Variants in CYLD observed in about 807,000 individuals in gnomAD.
The protein encoded by CYLD is ubiquitin carboxyl-terminal hydrolase CYLD.
A neutral mutation model predicts 104.5 loss-of-function variants in CYLD; 26 were observed. The ratio of observed to expected loss-of-function variants is 0.25; its 90% CI spans 0.18 to 0.35. CYLD has a LOEUF of 0.35. Among genes scored for constraint, CYLD ranks in the 10% least tolerant of loss-of-function variants. CYLD has a pLI of 1.00. For synonymous variants in CYLD, 385 were observed against 399.9 expected (o/e 0.96, Z 0.45); for missense variants, 703 against 1,136.1 (o/e 0.62, Z 5.48).
chr16:50,796,577 A>C lies in CYLD; in HGVS notation c.*69A>C. 1 of 1,508,528 alleles carries C rather than the reference A, an allele frequency of 6.6e-7. No individual in the cohort carries two copies. Among genetic ancestry groups the C allele is most frequent in the East Asian group, 2.3e-5 (1 of 44,422 alleles). 93.4% of individuals were successfully genotyped at this position (1,508,528 alleles called of 1,614,324 possible). On this transcript the variant is annotated 3_prime_UTR_variant, in exon 19 of 19. Coordinates refer to ENST00000427738, the MANE Select transcript of CYLD (RefSeq NM_001378743.1). ...AACGTTGCATCTTATTCGAGCTGGC[A>C]GTTCTGTTCACGTCCATTGCCGGCA... is the stretch of plus-strand genomic sequence containing the variant.
chr16:50,751,686 T>G lies in CYLD; in HGVS notation c.587T>G (p.Phe196Cys). 6.2e-7 allele frequency: 1 copy of G among 1,613,764 alleles called. No homozygotes were observed. Among genetic ancestry groups the G allele is most frequent in the South Asian group, 1.1e-5 (1 of 91,060 alleles). The stretch of plus-strand genomic sequence containing the variant: ...CAGTGTGATGAAGATTGTGGCGTGT[T>G]TGTTGCATTGGACAAGCTAGAACTC... ...LFQCDEDCGVFVALDKLELIE... is the reference protein window; with the variant it reads ...LFQCDEDCGVCVALDKLELIE... The change falls in exon 4 of 19, where the codon TTT (phenylalanine) becomes TGT (cysteine). Residue 196 changes from phenylalanine to cysteine, a missense_variant. Around this residue, in one of 5 missense-constraint regions of CYLD, gnomAD observed 123 missense variants for 213.3 expected, o/e 0.58. Coordinates refer to ENST00000427738, the MANE Select transcript of CYLD (RefSeq NM_001378743.1).
chr16:50,750,290 A>C, intron 3 of CYLD, 88 bp downstream of exon 3: 1 of 1,443,146 alleles, frequency 6.9e-7, no homozygotes, highest in East Asian at 2.3e-5. Context: ...TTTTCTCCTT[A>C]AATACGAAAT....
chr16:50,782,519 CA>C, intron 11 of CYLD, 53 bp downstream of exon 11: 3 of 1,585,612 alleles, frequency 1.9e-6, no homozygotes, highest in Non-Finnish European at 2.6e-6. Context: ...GGCAGGGACA[CA>C]TACCGGTGTG....
rs1336860046 is a variant in CYLD, at chr16:50,784,323, T to C, written c.1827-6T>C. On this transcript the variant is annotated splice_region_variant and splice_polypyrimidine_tract_variant and intron_variant, in intron 11 of 18. Coordinates refer to ENST00000427738, the MANE Select transcript of CYLD (RefSeq NM_001378743.1). ...CATGAAGAAAATTATCCTTTTTCTTTTGCAGCTTATTTGCTTTTAGTTCTG... is the reference window on the plus strand; with the variant it reads ...CATGAAGAAAATTATCCTTTTTCTTCTGCAGCTTATTTGCTTTTAGTTCTG... 2 of 1,613,096 alleles carry C rather than the reference T, an allele frequency of 1.2e-6. No individual in the cohort carries two copies. Among genetic ancestry groups the C allele is most frequent in the Non-Finnish European group, 1.7e-6 (2 of 1,179,538 alleles).
Position 50,801,034 on chromosome 16 carries a change from T to TAGGGTTTTAGACTG in CYLD, c.*4530_*4543dup, listed in dbSNP as rs1315074119. ...GGGGATTGCCCCTCTTGACAGAGAC[T>TAGGGTTTTAGACTG]AGGGTTTTAGACTGAGGCTTCCTGC... On this transcript the variant is annotated 3_prime_UTR_variant, in exon 19 of 19. Transcript: ENST00000427738. 2 of 233,400 alleles carry TAGGGTTTTAGACTG rather than the reference T, an allele frequency of 8.6e-6. No homozygotes were observed. Among genetic ancestry groups the TAGGGTTTTAGACTG allele is most frequent in the Non-Finnish European group, 1.7e-5 (2 of 118,138 alleles). The allele number at this position is 233,400 out of a possible 1,614,324, so 14.5% of individuals were successfully genotyped here.
intron 16 of CYLD, among the ~76,000 whole-genome samples, chr16:50,793,071 G>C (rs1971584321): frequency 6.6e-6 from 1 of 151,698 alleles, no homozygotes; most frequent in African/African-American, 2.4e-5. Flanking sequence ...GTAATATTAA[G>C]TGGAAAGGTA....
intron 14 of CYLD, among the ~76,000 whole-genome samples, chr16:50,790,259 A>G (rs757907279): frequency 3.3e-5 from 5 of 152,194 alleles, no homozygotes; most frequent in Admixed American, 3.3e-4. Flanking sequence ...AGAATAAAGG[A>G]GTGGGATGCA....
chr16:50,782,143 C>A (rs1970278907), intron 10 of CYLD, among the ~76,000 whole-genome samples, 182 bp from the exon 11 acceptor site: 1 of 152,014 alleles, frequency 6.6e-6, no homozygotes, highest in Non-Finnish European at 1.5e-5. Flanking sequence ...TGAAAATGAA[C>A]AATAGCAATT....
intron 10 of CYLD, 143 bp downstream of exon 10, chr16:50,781,554 C>A: frequency 9.2e-7 from 1 of 1,085,934 alleles, no homozygotes; most frequent in Non-Finnish European, 1.3e-6. Flanking sequence ...AAAAATGTTG[C>A]ATGGTGTATA....
chr16:50,794,944 A>G lies in CYLD; in HGVS notation c.2686+516A>G, dbSNP rs961313109. The G allele has an allele frequency of 5.9e-6, 1 of 169,436 alleles. No individual in the cohort carries two copies. The highest frequency in any genetic ancestry group is 2.4e-5 in the African/African-American group (1 of 41,480). 10.5% of individuals were successfully genotyped at this position (169,436 alleles called of 1,614,324 possible). A position where few individuals can be genotyped will look rare whatever the true frequency, so the allele number is the denominator to read the frequency against. On this transcript the variant is annotated intron_variant, in intron 18 of 18. Transcript: ENST00000427738. This position sits in a 1 kb window ranked among gnomAD's most constrained non-coding sequence, Gnocchi z 4.1. ...CTCATATTGTGATATTTTGACATGCATATGCTCTTTTTTTAAAAAAAAGAA... is the reference window on the plus strand; with the variant it reads ...CTCATATTGTGATATTTTGACATGCGTATGCTCTTTTTTTAAAAAAAAGAA...
At chr16:50,754,144 A>G (rs1015198024) in intron 4 of CYLD, among the ~76,000 whole-genome samples, 175 bp from the exon 5 acceptor site, 1 of 152,206 alleles carries the variant, frequency 6.6e-6, no homozygotes, top group African/African-American at 2.4e-5. Flanking sequence ...ACCAATGAAA[A>G]AAGCAAAACC....
chr16:50,762,729 C>T (rs962808361), intron 5 of CYLD, among the ~76,000 whole-genome samples: 4 of 152,234 alleles, frequency 2.6e-5, no homozygotes, highest in Non-Finnish European at 5.9e-5. Flanking sequence ...CCTTGTGTAT[C>T]CTTTCATTTA....
intron 11 of CYLD, chr16:50,784,105 A>G: frequency 4.2e-6 from 2 of 478,690 alleles, no homozygotes; most frequent in Non-Finnish European, 7.6e-6. Flanking sequence ...TTGCTTTCTC[A>G]GTATTATTGG....
At chr16:50,761,771 T>TATCTATCTATCTATCTATC (rs1338366808) in intron 5 of CYLD, among the ~76,000 whole-genome samples, 2 of 152,278 alleles carry the variant, frequency 1.3e-5, no homozygotes, top group African/African-American at 4.8e-5. Context: ...TCTATCTATC[T>TATCTATCTATCTATCTATC]ATCTATATCT....
intron 16 of CYLD, among the ~76,000 whole-genome samples, chr16:50,792,968 G>A (rs553092061): frequency 6.6e-6 from 1 of 152,252 alleles, no homozygotes; most frequent in South Asian, 2.1e-4. Context: ...GTTAACCAGA[G>A]GAGAATGGTT....
intron 11 of CYLD, 113 bp downstream of exon 11, chr16:50,782,579 C>T (rs559275149): frequency 6.3e-6 from 7 of 1,118,620 alleles, no homozygotes; most frequent in South Asian, 1.3e-5. Context: ...CCATCTGCCT[C>T]TGAGTAGAGA....
chr16:50,768,830 C>A (rs1189464391), intron 5 of CYLD, among the ~76,000 whole-genome samples: 3 of 152,174 alleles, frequency 2.0e-5, no homozygotes, highest in South Asian at 2.1e-4. Flanking sequence ...ATATCCATCA[C>A]CCCAAAATAT....
rs1245623930 is a variant in CYLD, at chr16:50,796,639, A to T, written c.*131A>T. On this transcript the variant is annotated 3_prime_UTR_variant, in exon 19 of 19. Transcript: ENST00000427738. Reference sequence around the variant, plus strand: ...TGTGGTGATGATCCTTCAGAAAAGGATGCCTCTGTTTAAAAACAAATTGCT... The same window carrying T: ...TGTGGTGATGATCCTTCAGAAAAGGTTGCCTCTGTTTAAAAACAAATTGCT... 1.0e-6 allele frequency: 1 copy of T among 961,198 alleles called. No homozygotes were observed. The highest frequency in any genetic ancestry group is 1.6e-6 in the Non-Finnish European group (1 of 612,394). The allele number at this position is 961,198 out of a possible 1,614,324, so 59.5% of individuals were successfully genotyped here.
At chr16:50,768,784 G>GT (rs201819493) in intron 5 of CYLD, among the ~76,000 whole-genome samples, 1 of 152,062 alleles carries the variant, frequency 6.6e-6, no homozygotes, top group African/African-American at 2.4e-5. Flanking sequence ...GTATAATGCT[G>GT]TTTTTTTGAC....
Sources: gnomAD v4.1 joint callset for allele counts (sites outside exome capture counted in the v4.1 genomes callset) on GRCh38, gnomAD v4.1.1 for gene constraint, gnomAD v4.1.1 regional missense constraint, Gnocchi (gnomAD v3.1) non-coding constraint, MANE v1.5 for transcripts, NCBI Gene and HGNC (gene_info 2026-07-23, HGNC 2026-07-21) for gene names.